Variants in TSEN2 observed in about 807,000 individuals in gnomAD.
The protein encoded by TSEN2 is tRNA-splicing endonuclease subunit Sen2.
Under a neutral mutation model 59.2 loss-of-function variants are expected in TSEN2, and 54 were observed. The ratio of observed to expected loss-of-function variants is 0.91; its 90% CI spans 0.73 to 1.14. The LOEUF is 1.14. Among genes scored for constraint, TSEN2 ranks in the 50% most tolerant of loss-of-function variants. The pLI is 0.00. For missense variants in TSEN2, 636 were observed against 576.2 expected (o/e 1.10, Z -1.06); for synonymous variants, 195 against 198.2 (o/e 0.98, Z 0.14).
At chr3:12,532,641 C>CTT in intron 11 of TSEN2, 21 bp from the exon 12 acceptor site, 1 of 1,581,562 alleles carries the variant, frequency 6.3e-7, no homozygotes, top group Non-Finnish European at 8.7e-7. Flanking sequence ...AAGAAATGGT[C>CTT]TTTTTTTTTA....
At chr3:12,517,862 A>G (rs1448088433) in intron 7 of TSEN2, among the ~76,000 whole-genome samples, 3 of 151,816 alleles carry the variant, frequency 2.0e-5, no homozygotes, top group South Asian at 2.1e-4. Context: ...AGCCTTCTCT[A>G]TAAGGCTGTT....
chr3:12,486,278 CCTT>C (rs2052606322), intron 1 of TSEN2, among the ~76,000 whole-genome samples: 1 of 152,326 alleles, frequency 6.6e-6, no homozygotes, highest in Non-Finnish European at 1.5e-5. Flanking sequence ...CACTAAAGAA[CCTT>C]CTTGAATATC....
At chr3:12,508,453 C>T (rs1049271246) in intron 6 of TSEN2, among the ~76,000 whole-genome samples, 4 of 152,166 alleles carry the variant, frequency 2.6e-5, no homozygotes, top group African/African-American at 4.8e-5. Context: ...ATGTTTGGTG[C>T]ACTGCATGTA....
intron 7 of TSEN2, 68 bp downstream of exon 7, chr3:12,516,729 T>A: frequency 7.3e-7 from 1 of 1,370,268 alleles, no homozygotes; most frequent in Non-Finnish European, 1.0e-6. Context: ...TTGTACTAAT[T>A]TCTATATTGC....
intron 4 of TSEN2, among the ~76,000 whole-genome samples, chr3:12,503,022 G>A (rs1014722936): frequency 6.6e-6 from 1 of 151,096 alleles, no homozygotes; most frequent in East Asian, 2.0e-4. Flanking sequence ...AGTGAACCAA[G>A]ATCACACCAC....
At chr3:12,506,292 A>G (rs1325172170) in intron 6 of TSEN2, among the ~76,000 whole-genome samples, 1 of 152,172 alleles carries the variant, frequency 6.6e-6, no homozygotes, top group South Asian at 2.1e-4. Flanking sequence ...TGCAGTAGCT[A>G]CATTCTTGAA....
chr3:12,485,041 A>C (rs1358883597), intron 1 of TSEN2, among the ~76,000 whole-genome samples, 161 bp downstream of exon 1: 2 of 152,210 alleles, frequency 1.3e-5, no homozygotes, highest in Admixed American at 6.5e-5. Context: ...CAACTTTCAA[A>C]GGCTGGTCAT....
chr3:12,504,142 C>T (rs945231296), intron 5 of TSEN2, among the ~76,000 whole-genome samples: 1 of 152,090 alleles, frequency 6.6e-6, no homozygotes, highest in African/African-American at 2.4e-5. Flanking sequence ...GTAAGAGCTA[C>T]GTCATGAAGG....
At chr3:12,504,032 A>C (rs1286886036) in intron 5 of TSEN2, among the ~76,000 whole-genome samples, 1 of 152,154 alleles carries the variant, frequency 6.6e-6, no homozygotes, top group Non-Finnish European at 1.5e-5. Context: ...TTGGGAGAAA[A>C]CAAAATGCGG....
chr3:12,510,765 G>GT (rs2055363591), intron 6 of TSEN2, among the ~76,000 whole-genome samples: 2 of 152,024 alleles, frequency 1.3e-5, no homozygotes, highest in Admixed American at 1.3e-4. Context: ...CTGCTACGTT[G>GT]TTTGACTAGT....
intron 4 of TSEN2, among the ~76,000 whole-genome samples, chr3:12,500,991 G>T (rs561121853): frequency 6.6e-6 from 1 of 152,218 alleles, no homozygotes. Context: ...AAAAGTTTTG[G>T]GTCCCTTCCC....
Position 12,531,597 on chromosome 3 carries a change from C to T in TSEN2, c.1276C>T (p.Pro426Ser). 10 of 1,612,178 alleles carry T rather than the reference C, an allele frequency of 6.2e-6. No homozygotes were observed. Among genetic ancestry groups the T allele is most frequent in the Non-Finnish European group, 8.5e-6 (10 of 1,178,280 alleles). Residue 426 changes from proline to serine, a missense_variant, in exon 11 of 12, where the codon CCC (proline) becomes TCC (serine). Coordinates refer to ENST00000284995, the MANE Select transcript of TSEN2 (RefSeq NM_025265.4). Reference sequence around the variant, plus strand: ...ACTTATGCTGTGCTATTTGATTAAACCCTCTACTATGACTGACAAGGAAAT... The same window carrying T: ...ACTTATGCTGTGCTATTTGATTAAATCCTCTACTATGACTGACAAGGAAAT... ...KELMLCYLIKPSTMTDKEMES... is the reference protein window; with the variant it reads ...KELMLCYLIKSSTMTDKEMES...
Position 12,505,165 on chromosome 3 carries a change from A to G in TSEN2, c.843A>G (p.Arg281=). ...EAAPNEELVQ[R]NRLICRRNPY... ...TTCTTTCTCTTTAGTTGGTGCAAAG[A>G]AACAGGTTAATATGCAGAAGAAATC... The change falls in exon 6 of 12, where the codon AGA becomes AGG. Residue 281 remains arginine, a synonymous_variant. Transcript: ENST00000284995. The G allele has an allele frequency of 6.2e-7, 1 of 1,606,382 alleles. No homozygotes were observed. The highest frequency in any genetic ancestry group is 8.5e-7 in the Non-Finnish European group (1 of 1,172,986).
chr3:12,522,139 GT>G (rs879696245), intron 8 of TSEN2, among the ~76,000 whole-genome samples: 11 of 151,966 alleles, frequency 7.2e-5, no homozygotes, highest in African/African-American at 2.7e-4. Flanking sequence ...TCATACTGTG[GT>G]TCTTTTGTCT....
At chr3:12,537,011 A>C (rs998078961), downstream of TSEN2, among the ~76,000 whole-genome samples, 2 of 151,930 alleles carry the variant, frequency 1.3e-5, no homozygotes, top group Non-Finnish European at 2.9e-5. Flanking sequence ...TCTCAAAAAA[A>C]AAAAAAGGAA....
rs752002279 is a variant in TSEN2 at position 12,489,968 on chromosome 3, C to T, written c.168C>T (p.Asp56=). 2.5e-6 allele frequency: 4 copies of T among 1,614,158 alleles called. No individual in the cohort carries two copies. The highest frequency in any genetic ancestry group is 3.3e-5 in the Admixed American group (2 of 60,016). ...ATGTGATTGTGAGGAATGCGGAGGA[C>T]ATTGAGCAGCTCTATGGGAAAGTAA... The part of the protein sequence containing the change: ...NNNVIVRNAE[D]IEQLYGKGYF... Residue 56 remains aspartate, a synonymous_variant, in exon 2 of 12, where the codon GAC becomes GAT. Transcript: ENST00000284995.
In TSEN2 at chr3:12,505,762, T is replaced by C. The variant is rs1162015401; in HGVS notation, c.909+531T>C. ...TCGTGCCATTGCACTCCAGCCTGGG[T>C]GACAGAATGAAACTCTGTCTCAAAA... On this transcript the variant is annotated intron_variant, in intron 6 of 11. Coordinates refer to ENST00000284995, the MANE Select transcript of TSEN2 (RefSeq NM_025265.4). Among the ~76,000 whole-genome samples the C allele has an allele frequency of 9.8e-5, 13 of 131,982 alleles. No individual in the cohort carries two copies. In the South Asian group the frequency reaches 2.7e-3, roughly 28 times the overall value. 86.6% of individuals were successfully genotyped at this position (131,982 alleles called of 152,430 possible).
At chr3:12,493,347 T>C (rs2053418300) in intron 3 of TSEN2, among the ~76,000 whole-genome samples, 1 of 152,226 alleles carries the variant, frequency 6.6e-6, no homozygotes, top group Admixed American at 6.5e-5. Context: ...CTAAACTATT[T>C]TCCACATTGA....
intron 7 of TSEN2, 85 bp downstream of exon 7, chr3:12,516,746 A>G: frequency 7.7e-7 from 1 of 1,293,996 alleles, no homozygotes. Context: ...TTGCATTAAT[A>G]CAAATGTTTC....
Sources: gnomAD v4.1 joint callset for allele counts (sites outside exome capture counted in the v4.1 genomes callset) on GRCh38, gnomAD v4.1.1 for gene constraint, MANE v1.5 for transcripts, NCBI Gene and HGNC (gene_info 2026-07-23, HGNC 2026-07-21) for gene names.